Variants in IL1RAP observed in about 807,000 individuals in gnomAD.
The protein encoded by IL1RAP is interleukin-1 receptor accessory protein.
In IL1RAP, 35 loss-of-function variants were observed where a neutral mutation model predicts 60.7. The ratio of observed to expected loss-of-function variants is 0.58; its 90% CI spans 0.44 to 0.76. IL1RAP has a LOEUF of 0.76. IL1RAP is among the 30% of genes least tolerant of loss of function. IL1RAP has a pLI of 0.00. For missense variants in IL1RAP, 572 were observed against 693.9 expected (o/e 0.82, Z 1.97); for synonymous variants, 268 against 250.9 (o/e 1.07, Z -0.64).
intron 9 of IL1RAP, among the ~76,000 whole-genome samples, chr3:190,635,802 G>T (rs182643517): frequency 6.6e-6 from 1 of 152,152 alleles, no homozygotes; most frequent in Admixed American, 6.5e-5. Flanking sequence ...CTGGGAGCAG[G>T]TATCTCCAAC....
intron 3 of IL1RAP, among the ~76,000 whole-genome samples, chr3:190,600,628 T>C: frequency 6.6e-6 from 1 of 152,210 alleles, no homozygotes. Context: ...TTGTAAAATA[T>C]ACCCCATCCA....
chr3:190,639,342 T>A (rs1244327764), intron 9 of IL1RAP, among the ~76,000 whole-genome samples: 3 of 152,196 alleles, frequency 2.0e-5, no homozygotes, highest in East Asian at 3.8e-4. Flanking sequence ...TTCATCCTTT[T>A]CCCTGCTCTG....
chr3:190,550,417 T>C (rs1341215684), intron 1 of IL1RAP: 7 of 152,212 alleles, frequency 4.6e-5, no homozygotes, highest in Non-Finnish European at 8.8e-5. Flanking sequence ...CTCCTTATCA[T>C]AAGCCAAATG....
At chr3:190,573,009 G>A (rs1727109977) in intron 3 of IL1RAP, among the ~76,000 whole-genome samples, 1 of 93,890 alleles carries the variant, frequency 1.1e-5, no homozygotes, top group Non-Finnish European at 2.3e-5. Flanking sequence ...GACTACAGGC[G>A]CCCGCCACCA....
intron 2 of IL1RAP, among the ~76,000 whole-genome samples, chr3:190,561,472 C>G (rs1480454305): frequency 1.3e-5 from 2 of 152,178 alleles, no homozygotes; most frequent in Admixed American, 1.3e-4. Flanking sequence ...TGACCTGACT[C>G]TTTGCTGCCT....
chr3:190,644,281 G>A lies in IL1RAP; in HGVS notation c.1085G>A (p.Cys362Tyr), dbSNP rs750555874. 4.3e-6 allele frequency: 7 copies of A among 1,613,532 alleles called. No individual in the cohort carries two copies. In the South Asian group the frequency reaches 7.7e-5, roughly 18 times the overall value. Residue 362 changes from cysteine to tyrosine, a missense_variant, in exon 10 of 12, where the codon TGT becomes TAT. Transcript: ENST00000447382. ...PAPRYTVELA[C>Y]GFGATVLLVV... ...CCAAGATACACAGTGGAACTGGCTT[G>A]TGGTTTTGGAGCCACAGTCCTGCTA...
intron 1 of IL1RAP, among the ~76,000 whole-genome samples, chr3:190,535,770 A>T (rs1376610273): frequency 2.0e-5 from 3 of 152,140 alleles, no homozygotes; most frequent in African/African-American, 7.2e-5. Flanking sequence ...TATTTCCAAA[A>T]ACCCACTGAC....
At chr3:190,538,978 T>G (rs997784995) in intron 1 of IL1RAP, among the ~76,000 whole-genome samples, 19 of 152,166 alleles carry the variant, frequency 1.2e-4, no homozygotes, top group African/African-American at 4.6e-4. Flanking sequence ...GTGAGTCAAT[T>G]AAACATCTTT....
chr3:190,640,987 C>T (rs34413624), intron 9 of IL1RAP, among the ~76,000 whole-genome samples: 6,883 of 152,016 alleles, frequency 0.045, 222 homozygotes, highest in Non-Finnish European at 0.058. Context: ...TTTTTTGAGA[C>T]AGAGTTTTGC....
At chr3:190,638,460 G>A (rs1733396255) in intron 9 of IL1RAP, among the ~76,000 whole-genome samples, 1 of 152,020 alleles carries the variant, frequency 6.6e-6, no homozygotes. Flanking sequence ...TAAATAGTTT[G>A]TATTTTATTA....
chr3:190,516,215 A>G (rs1028759332), intron 1 of IL1RAP: 1 of 152,246 alleles, frequency 6.6e-6, no homozygotes, highest in African/African-American at 2.4e-5. Context: ...AGTGGTGCCC[A>G]CTTAAGTACC....
chr3:190,552,117 T>C (rs1270139449), intron 1 of IL1RAP, among the ~76,000 whole-genome samples: 1 of 152,182 alleles, frequency 6.6e-6, no homozygotes, highest in Non-Finnish European at 1.5e-5. Flanking sequence ...GTAACTAAAG[T>C]TTGATTTTGG....
chr3:190,656,016 C>T, downstream of IL1RAP: 1 of 1,537,246 alleles, frequency 6.5e-7, no homozygotes, highest in African/African-American at 1.4e-5. Flanking sequence ...TGTGCCAGAA[C>T]TCCATTGCCA....
intron 1 of IL1RAP, among the ~76,000 whole-genome samples, chr3:190,526,781 A>T (rs1054330576): frequency 6.6e-5 from 10 of 152,252 alleles, no homozygotes; most frequent in Admixed American, 2.0e-4. Context: ...ACAATTATGT[A>T]CCAGGCAGTT....
chr3:190,629,543 A>G lies in IL1RAP; in HGVS notation c.1051+45A>G, dbSNP rs190520539. On this transcript the variant is annotated intron_variant, in intron 9 of 11. Coordinates refer to ENST00000447382, the MANE Select transcript of IL1RAP (RefSeq NM_002182.4). ...ATGAATCTCTCAGCTCCAAATTAAC[A>G]TTGTGGTGAATAAGGACAAAAGGAG... 6.8e-5 allele frequency: 106 copies of G among 1,567,918 alleles called. No homozygotes were observed. The East Asian group carries it at 2.3e-3, about 34-fold the overall frequency.
At position 190,649,215 on chromosome 3, in the gene IL1RAP, C is replaced by T; in HGVS notation, c.*510C>T. On this transcript the variant is annotated 3_prime_UTR_variant, in exon 12 of 12. Coordinates refer to ENST00000447382, the MANE Select transcript of IL1RAP (RefSeq NM_002182.4). The stretch of plus-strand genomic sequence containing the variant: ...CCTCATTCGGCTGTATAATACATAA[C>T]CACAGCAAGACTGACATCCACTTAG... 1 of 985,984 alleles carries T rather than the reference C, an allele frequency of 1.0e-6. No individual in the cohort carries two copies. The allele number at this position is 985,984 out of a possible 1,614,324, so 61.1% of individuals were successfully genotyped here. A position where few individuals can be genotyped will look rare whatever the true frequency, so the allele number is the denominator to read the frequency against.
intron 3 of IL1RAP, among the ~76,000 whole-genome samples, chr3:190,573,629 C>T (rs1406884612): frequency 6.6e-6 from 1 of 152,172 alleles, no homozygotes; most frequent in East Asian, 1.9e-4. Flanking sequence ...CTTTATTACT[C>T]TAAATATCCT....
At chr3:190,614,706 A>G (rs1463363474) in intron 5 of IL1RAP, among the ~76,000 whole-genome samples, 2 of 152,180 alleles carry the variant, frequency 1.3e-5, no homozygotes, top group African/African-American at 4.8e-5. Flanking sequence ...ACACTTTCAT[A>G]TATAATTTAC....
intron 1 of IL1RAP, among the ~76,000 whole-genome samples, chr3:190,515,581 T>C (rs963082510): frequency 6.6e-6 from 1 of 152,152 alleles, no homozygotes; most frequent in Non-Finnish European, 1.5e-5. Context: ...TAGCTCGAAA[T>C]GTAAAATTGA....
Sources: allele counts gnomAD v4.1 joint callset (sites outside exome capture counted in the v4.1 genomes callset), GRCh38; gene constraint gnomAD v4.1.1; transcripts MANE v1.5; gene names NCBI Gene and HGNC (gene_info 2026-07-23, HGNC 2026-07-21).